Variants in MLLT1 observed in about 807,000 individuals in gnomAD.
The protein encoded by MLLT1 is MLLT1 super elongation complex subunit.
MLLT1 carries 11 observed loss-of-function variants against 55.1 expected under a neutral mutation model. The ratio of observed to expected loss-of-function variants is 0.20; its 90% CI spans 0.13 to 0.33. MLLT1 has a LOEUF of 0.33. Among genes scored for constraint, MLLT1 ranks in the 10% least tolerant of loss-of-function variants. The pLI, the probability that MLLT1 is intolerant of heterozygous loss-of-function variation, is 1.00. For synonymous variants in MLLT1, 323 were observed against 320.1 expected, an observed-to-expected ratio of 1.01 and a Z score of -0.10; for missense variants, 536 against 760.6, an observed-to-expected ratio of 0.70 and a Z score of 3.47.
In MLLT1 at chr19:6,229,579, C is replaced by T. The variant is rs187623820; in HGVS notation, c.420+991G>A. Among the ~76,000 whole-genome samples the T allele has an allele frequency of 1.3e-4, 20 of 151,612 alleles. No individual in the cohort carries two copies. In the East Asian group the frequency reaches 1.6e-3, roughly 12 times the overall value. Reference sequence around the variant, plus strand: ...CATAACACACGTCACACCATACGTGCGTGACACACCACACACTTCCCGCAA... The same window carrying T: ...CATAACACACGTCACACCATACGTGTGTGACACACCACACACTTCCCGCAA... On this transcript the variant is annotated intron_variant, in intron 4 of 11. Transcript: ENST00000252674. This position sits in a 1 kb window ranked among gnomAD's most constrained non-coding sequence, Gnocchi z 5.2.
At chr19:6,238,260 T>C (rs949568266) in intron 3 of MLLT1, among the ~76,000 whole-genome samples, 10 of 152,214 alleles carry the variant, frequency 6.6e-5, no homozygotes, top group African/African-American at 1.9e-4. Context: ...TGAGAGATGA[T>C]AGGGGAAACT....
At chr19:6,278,728 AG>A (rs1368902792) in intron 1 of MLLT1, among the ~76,000 whole-genome samples, 1 of 152,126 alleles carries the variant, frequency 6.6e-6, no homozygotes, top group Non-Finnish European at 1.5e-5. Flanking sequence ...GGGGAACAGC[AG>A]GCCATCAGTG....
In MLLT1 at chr19:6,227,831, G is replaced by C. The variant is rs978105986; in HGVS notation, c.421-729C>G. On this transcript the variant is annotated intron_variant, in intron 4 of 11. Transcript: ENST00000252674. This position sits in a 1 kb window ranked among gnomAD's most constrained non-coding sequence, Gnocchi z 5.1. ...CTGTGCAGGGGGAAGCTCGGAGCAA[G>C]GTCTTGAGATATCAACACTGCGAGT... Among the ~76,000 whole-genome samples the C allele has an allele frequency of 1.3e-5, 2 of 152,182 alleles. No individual in the cohort carries two copies. The highest frequency in any genetic ancestry group is 2.4e-5 in the African/African-American group (1 of 41,454).
intron 1 of MLLT1, among the ~76,000 whole-genome samples, chr19:6,272,878 G>A (rs1193521901): frequency 5.3e-5 from 8 of 152,196 alleles, no homozygotes; most frequent in Admixed American, 2.0e-4. Flanking sequence ...GAAATGAGGC[G>A]GAGGCGTGCA....
chr19:6,229,119 C>T lies in MLLT1; in HGVS notation c.420+1451G>A, dbSNP rs910528594. ...GCCACTTCCCACAGCCACGCCACCA[C>T]GGAACCTCCGGGGACGCCCAAAAAC... On this transcript the variant is annotated intron_variant, in intron 4 of 11. Transcript: ENST00000252674. The surrounding 1 kb of genome is among the most constrained non-coding windows in gnomAD (Gnocchi z 5.2). 1.3e-5 allele frequency among the ~76,000 whole-genome samples: 2 copies of T among 152,134 alleles called. No individual in the cohort carries two copies. Among genetic ancestry groups the T allele is most frequent in the African/African-American group, 2.4e-5 (1 of 41,412 alleles).
In MLLT1 at chr19:6,227,669, G is replaced by C. The variant is rs949545004; in HGVS notation, c.421-567C>G. On this transcript the variant is annotated intron_variant, in intron 4 of 11. Coordinates refer to ENST00000252674, the MANE Select transcript of MLLT1 (RefSeq NM_005934.4). The surrounding 1 kb of genome is among the most constrained non-coding windows in gnomAD (Gnocchi z 5.1). ...CCAAGGCAGACGACCTGTGCCTACT[G>C]GGGGGGTCTCTCTGCAAAGCAGGCC... is the stretch of plus-strand genomic sequence containing the variant. Among the ~76,000 whole-genome samples the C allele has an allele frequency of 2.6e-5, 4 of 152,122 alleles. No homozygotes were observed. The highest frequency in any genetic ancestry group is 6.5e-5 in the Admixed American group (1 of 15,286).
rs376205661 is a variant in MLLT1 at position 6,212,365 on chromosome 19, A to ACAC, written c.*674_*676dup. On this transcript the variant is annotated 3_prime_UTR_variant, in exon 12 of 12. Transcript: ENST00000252674. ...CGTGCCTGGCTCGGCCTCCAGCCCC[A>ACAC]CACCACCGCAGAGACATCTTAACCT... is the stretch of plus-strand genomic sequence containing the variant. The ACAC allele has an allele frequency of 7.2e-4, 657 of 915,558 alleles. 1 individual carries two copies. The African/African-American group carries it at 0.013, about 18-fold the overall frequency. The allele number at this position is 915,558 out of a possible 1,614,324, so 56.7% of individuals were successfully genotyped here.
chr19:6,247,100 G>A (rs530096546), intron 3 of MLLT1, among the ~76,000 whole-genome samples: 114 of 152,272 alleles, frequency 7.5e-4, no homozygotes, highest in Admixed American at 2.0e-3. Flanking sequence ...GAATGAGCCC[G>A]CTGGTGCTGG....
intron 3 of MLLT1, among the ~76,000 whole-genome samples, chr19:6,254,976 C>G (rs1024391155): frequency 8.9e-6 from 1 of 112,534 alleles, no homozygotes. Context: ...AAAAAATCAA[C>G]AAAAGAAAAA....
chr19:6,227,086 T>C lies in MLLT1; in HGVS notation c.437A>G (p.Glu146Gly), dbSNP rs1367955644. The C allele has an allele frequency of 1.2e-6, 2 of 1,600,128 alleles. No homozygotes were observed. The highest frequency in any genetic ancestry group is 1.7e-6 in the Non-Finnish European group (2 of 1,174,926). The change falls in exon 5 of 12, where the codon GAA (glutamate) becomes GGA (glycine). Residue 146 changes from glutamate (E) to glycine (G), a missense_variant. Coordinates refer to ENST00000252674, the MANE Select transcript of MLLT1 (RefSeq NM_005934.4). This position sits in a 1 kb window ranked among gnomAD's most constrained non-coding sequence, Gnocchi z 5.1. The stretch of plus-strand genomic sequence containing the variant: ...GGGCCTGGACACCGTGTCTGCTCCT[T>C]CGGGCATTACCATCACCTAGTGACA... ...LRAGGVMVMP[E>G]GADTVSRPSP...
At chr19:6,276,864 G>C (rs182809446) in intron 1 of MLLT1, among the ~76,000 whole-genome samples, 19 of 152,328 alleles carry the variant, frequency 1.2e-4, no homozygotes, top group African/African-American at 4.6e-4. Flanking sequence ...CTGGCCATAA[G>C]GAAAAGATGT....
chr19:6,211,696 G>C lies in MLLT1; in HGVS notation c.*1346C>G. The C allele has an allele frequency of 9.4e-7, 1 of 1,064,624 alleles. No individual in the cohort carries two copies. The allele number at this position is 1,064,624 out of a possible 1,614,324, so 65.9% of individuals were successfully genotyped here. On this transcript the variant is annotated 3_prime_UTR_variant, in exon 12 of 12. Coordinates refer to ENST00000252674, the MANE Select transcript of MLLT1 (RefSeq NM_005934.4). The surrounding 1 kb of genome is among the most constrained non-coding windows in gnomAD (Gnocchi z 4.6). The stretch of plus-strand genomic sequence containing the variant: ...GTTGAGAGGACTGGAGGCGCCTCGA[G>C]TCAATGTCTGGGAAACAGAGGCTAA...
intron 6 of MLLT1, among the ~76,000 whole-genome samples, chr19:6,218,401 C>T (rs930589512): frequency 2.6e-5 from 4 of 152,250 alleles, no homozygotes; most frequent in African/African-American, 9.6e-5. Context: ...TGGGCCTTGC[C>T]TTCGTCCAAG....
rs192661485 is a variant in MLLT1, at chr19:6,211,497, G to C, written c.*1545C>G. On this transcript the variant is annotated 3_prime_UTR_variant, in exon 12 of 12. Transcript: ENST00000252674. The surrounding 1 kb of genome is among the most constrained non-coding windows in gnomAD (Gnocchi z 4.6). ...GACAGAATCAGAGCAGGGACAAGAT[G>C]AGGGACCTCAGGGAGGGACAGATGG... is the stretch of plus-strand genomic sequence containing the variant. 316 of 575,238 alleles carry C rather than the reference G, an allele frequency of 5.5e-4. 2 individuals are homozygous for C. The African/African-American group carries it at 5.8e-3, about 11-fold the overall frequency. The allele number at this position is 575,238 out of a possible 1,614,324, so 35.6% of individuals were successfully genotyped here. A position where few individuals can be genotyped will look rare whatever the true frequency, so the allele number is the denominator to read the frequency against.
chr19:6,224,759 T>C (rs2090937448), intron 5 of MLLT1, among the ~76,000 whole-genome samples: 1 of 152,230 alleles, frequency 6.6e-6, no homozygotes, highest in African/African-American at 2.4e-5. Flanking sequence ...AGACGGAGTC[T>C]TGTTATGTCG....
chr19:6,253,119 A>C (rs1007489063), intron 3 of MLLT1, among the ~76,000 whole-genome samples: 10 of 151,634 alleles, frequency 6.6e-5, no homozygotes, highest in Non-Finnish European at 7.4e-5. Flanking sequence ...AAAAAAAATT[A>C]GCCAGGTATG....
chr19:6,251,794 T>C (rs1024903064), intron 3 of MLLT1, among the ~76,000 whole-genome samples: 12 of 149,032 alleles, frequency 8.1e-5, no homozygotes, highest in African/African-American at 2.7e-4. Flanking sequence ...AAAGAAAGAA[T>C]GAACGAATGA....
chr19:6,238,190 G>C (rs28472921), intron 3 of MLLT1, among the ~76,000 whole-genome samples: 2 of 152,220 alleles, frequency 1.3e-5, no homozygotes, highest in African/African-American at 4.8e-5. Flanking sequence ...CACACACACA[G>C]AGCTTCCCTC....
chr19:6,266,309 C>A (rs967131752), intron 2 of MLLT1, among the ~76,000 whole-genome samples: 13 of 148,824 alleles, frequency 8.7e-5, no homozygotes, highest in Non-Finnish European at 1.2e-4. Flanking sequence ...TTTTGGATTT[C>A]GGATTTTCAG....
Sources: gnomAD v4.1 joint callset for allele counts (sites outside exome capture counted in the v4.1 genomes callset) on GRCh38, gnomAD v4.1.1 for gene constraint, Gnocchi (gnomAD v3.1) non-coding constraint, MANE v1.5 for transcripts, NCBI Gene and HGNC (gene_info 2026-07-23, HGNC 2026-07-21) for gene names.